Variants in RGP1 observed in about 807,000 individuals in gnomAD.
RGP1 encodes RGP1 partner of RAB6A GEF complex.
A neutral mutation model predicts 44.5 loss-of-function variants in RGP1; 28 were observed. That is an observed-to-expected ratio of 0.63 (90% CI 0.47 to 0.86). The LOEUF is 0.86. Among genes scored for constraint, RGP1 ranks in the 40% least tolerant of loss-of-function variants. The pLI is 0.00. For synonymous variants in RGP1, 212 were observed against 196.7 expected (o/e 1.08, Z -0.65); for missense variants, 417 against 490.7 (o/e 0.85, Z 1.42).
At chr9:35,778,389 A>G in the RGP1 span, among the ~76,000 whole-genome samples, 1 of 152,228 alleles carries the variant, frequency 6.6e-6, no homozygotes. Flanking sequence ...TCAGGGAGGT[A>G]TTCGCTGTTA....
At chr9:35,750,594 C>T in intron 3 of RGP1, 64 bp from the exon 4 acceptor site, 1 of 1,544,288 alleles carries the variant, frequency 6.5e-7, no homozygotes, top group Non-Finnish European at 8.9e-7. Context: ...TCTCCACTTG[C>T]CGTGCTAGTC....
chr9:35,753,908 T>C lies in RGP1; in HGVS notation c.*1034T>C. The stretch of plus-strand genomic sequence containing the variant: ...TCCTGTTTCACAGCTGGAGGAAGCC[T>C]GGGTATTTTGACACGGGATCATCTG... On this transcript the variant is annotated 3_prime_UTR_variant, in exon 9 of 9. Transcript: ENST00000378078. This position sits in a 1 kb window ranked among gnomAD's most constrained non-coding sequence, Gnocchi z 4.2. The C allele has an allele frequency of 3.9e-6, 6 of 1,556,126 alleles. No homozygotes were observed. Among genetic ancestry groups the C allele is most frequent in the Non-Finnish European group, 5.2e-6 (6 of 1,144,914 alleles).
chr9:35,753,993 A>G lies in RGP1; in HGVS notation c.*1119A>G. 6.2e-7 allele frequency: 1 copy of G among 1,611,360 alleles called. No individual in the cohort carries two copies. The highest frequency in any genetic ancestry group is 8.5e-7 in the Non-Finnish European group (1 of 1,178,266). On this transcript the variant is annotated 3_prime_UTR_variant, in exon 9 of 9. Coordinates refer to ENST00000378078, the MANE Select transcript of RGP1 (RefSeq NM_001080496.3). The surrounding 1 kb of genome is among the most constrained non-coding windows in gnomAD (Gnocchi z 4.2). ...TCCTCCATTCCTAACGCTTCACCCCACTTTACCTTGAGCTTGGAAGTAGCA... is the reference window on the plus strand; with the variant it reads ...TCCTCCATTCCTAACGCTTCACCCCGCTTTACCTTGAGCTTGGAAGTAGCA...
Position 35,749,790 on chromosome 9 carries a change from CTG to C in RGP1, c.37_38del (p.Val13IlefsTer27). On this transcript the variant is annotated frameshift_variant, in exon 2 of 9. Transcript: ENST00000378078. LOFTEE classifies it high-confidence loss of function. This position sits in a 1 kb window ranked among gnomAD's most constrained non-coding sequence, Gnocchi z 4.4. ...GTGGTAGCAGAGCTCAGCCGGGGTC[CTG>C]TATTTTTGGCTGGGGAGGCGCTGGA... 1.2e-6 allele frequency: 2 copies of C among 1,613,870 alleles called. No homozygotes were observed. Among genetic ancestry groups the C allele is most frequent in the Non-Finnish European group, 1.7e-6 (2 of 1,179,806 alleles).
chr9:35,757,522 G>T lies in RGP1; in HGVS notation c.*4648G>T, dbSNP rs1827376151. 1 of 152,528 alleles carries T rather than the reference G, an allele frequency of 6.6e-6. No homozygotes were observed. Among genetic ancestry groups the T allele is most frequent in the Admixed American group, 6.5e-5 (1 of 15,280 alleles). The allele number at this position is 152,528 out of a possible 1,614,324, so 9.4% of individuals were successfully genotyped here. A position where few individuals can be genotyped will look rare whatever the true frequency, so the allele number is the denominator to read the frequency against. ...CGGATTGATTGGGGTGAGAGAGGAA[G>T]GAAGCACGCCAAGTTAGGCCTGGGA... On this transcript the variant is annotated 3_prime_UTR_variant, in exon 9 of 9. Transcript: ENST00000378078.
chr9:35,749,598 C>A lies in RGP1; in HGVS notation c.-19-139C>A. ...CTTCAGTCGCCTCCCTCCCACCCGC[C>A]TACCCCTCCTATATCCAGGAGCTCC... On this transcript the variant is annotated intron_variant, in intron 1 of 8. Transcript: ENST00000378078. The surrounding 1 kb of genome is among the most constrained non-coding windows in gnomAD (Gnocchi z 4.4). 4 of 691,342 alleles carry A rather than the reference C, an allele frequency of 5.8e-6. No individual in the cohort carries two copies. The highest frequency in any genetic ancestry group is 1.5e-5 in the South Asian group (1 of 65,214). The allele number at this position is 691,342 out of a possible 1,614,324, so 42.8% of individuals were successfully genotyped here.
chr9:35,787,804 G>A, the RGP1 span, among the ~76,000 whole-genome samples: 2 of 152,216 alleles, frequency 1.3e-5, no homozygotes, highest in South Asian at 2.1e-4. Flanking sequence ...GTTGTGAAGT[G>A]TATCTTTCCT....
chr9:35,761,152 T>G (rs897314008), downstream of RGP1, among the ~76,000 whole-genome samples: 3 of 152,250 alleles, frequency 2.0e-5, no homozygotes, highest in Non-Finnish European at 4.4e-5. Flanking sequence ...ATAATTGAAT[T>G]TGTAATCATG....
chr9:35,776,340 G>GC, the RGP1 span, among the ~76,000 whole-genome samples: 1 of 151,294 alleles, frequency 6.6e-6, no homozygotes, highest in East Asian at 1.9e-4. Flanking sequence ...AGGCTGGGGC[G>GC]CAGTGGTATG....
chr9:35,753,043 G>A lies in RGP1; in HGVS notation c.*169G>A. On this transcript the variant is annotated 3_prime_UTR_variant, in exon 9 of 9. Transcript: ENST00000378078. The surrounding 1 kb of genome is among the most constrained non-coding windows in gnomAD (Gnocchi z 4.2). ...CAGAATACATTGGCAGCTGCTAGTG[G>A]TTTCCCTGGAAGTGGCAGCAGCAGT... 1 of 1,589,842 alleles carries A rather than the reference G, an allele frequency of 6.3e-7. No homozygotes were observed. Among genetic ancestry groups the A allele is most frequent in the Admixed American group, 1.7e-5 (1 of 58,744 alleles).
chr9:35,786,148 TC>T, the RGP1 span, among the ~76,000 whole-genome samples: 1 of 152,230 alleles, frequency 6.6e-6, no homozygotes, highest in African/African-American at 2.4e-5. Context: ...CTAGTGCATT[TC>T]CAGTCTCTAG....
At chr9:35,750,493 T>G in intron 3 of RGP1, 114 bp downstream of exon 3, 1 of 1,334,630 alleles carries the variant, frequency 7.5e-7, no homozygotes, top group Admixed American at 2.0e-5. Flanking sequence ...CCTGTCATGC[T>G]GGGGATGTTG....
rs150722957 is a variant in RGP1 at position 35,757,631 on chromosome 9, T to A, written c.*4757T>A. ...GGCCAAACCCCAGGCATCAGGTCTG[T>A]CCAGAGGCTGACGTAGACAGTGAAG... On this transcript the variant is annotated 3_prime_UTR_variant, in exon 9 of 9. Transcript: ENST00000378078. 1.3e-5 allele frequency: 2 copies of A among 152,534 alleles called. No individual in the cohort carries two copies. The highest frequency in any genetic ancestry group is 1.3e-4 in the Admixed American group (2 of 15,312). The allele number at this position is 152,534 out of a possible 1,614,324, so 9.4% of individuals were successfully genotyped here.
the RGP1 span, among the ~76,000 whole-genome samples, chr9:35,786,196 T>C: frequency 6.6e-6 from 1 of 152,252 alleles, no homozygotes; most frequent in African/African-American, 2.4e-5. Flanking sequence ...CCTCTTTTTA[T>C]GCCAGATATT....
chr9:35,784,974 A>C, the RGP1 span, among the ~76,000 whole-genome samples: 1 of 152,214 alleles, frequency 6.6e-6, no homozygotes, highest in South Asian at 2.1e-4. Context: ...GGGGAAAGAC[A>C]GGAAGCCCCA....
At chr9:35,774,651 G>C in the RGP1 span, among the ~76,000 whole-genome samples, 11 of 152,186 alleles carry the variant, frequency 7.2e-5, no homozygotes, top group Non-Finnish European at 1.2e-4. Context: ...GTGAACCCGG[G>C]AGGCGGAGCT....
the RGP1 span, among the ~76,000 whole-genome samples, chr9:35,783,376 T>C: frequency 6.6e-6 from 1 of 152,142 alleles, no homozygotes. Flanking sequence ...ATAATATTGT[T>C]AACCAAAGTC....
At chr9:35,750,483 C>A in intron 3 of RGP1, 104 bp downstream of exon 3, 1 of 1,395,984 alleles carries the variant, frequency 7.2e-7, no homozygotes, top group South Asian at 1.3e-5. Flanking sequence ...TCTTATAGTC[C>A]CTGTCATGCT....
In RGP1 at chr9:35,753,831, G is replaced by A. The variant is rs1283147499; in HGVS notation, c.*957G>A. On this transcript the variant is annotated 3_prime_UTR_variant, in exon 9 of 9. Coordinates refer to ENST00000378078, the MANE Select transcript of RGP1 (RefSeq NM_001080496.3). This position sits in a 1 kb window ranked among gnomAD's most constrained non-coding sequence, Gnocchi z 4.2. ...GCTGATGAGAGGCAGAGGCTCTTCT[G>A]GTCTGGGGTGGAGACAGTAAGTACG... 1.0e-5 allele frequency: 16 copies of A among 1,537,762 alleles called. No homozygotes were observed. Among genetic ancestry groups the A allele is most frequent in the African/African-American group, 2.7e-5 (2 of 73,300 alleles).
Sources: gnomAD v4.1 joint callset for allele counts (sites outside exome capture counted in the v4.1 genomes callset) on GRCh38, gnomAD v4.1.1 for gene constraint, Gnocchi (gnomAD v3.1) non-coding constraint, MANE v1.5 for transcripts, NCBI Gene and HGNC (gene_info 2026-07-23, HGNC 2026-07-21) for gene names.